The following KCNH1 variants were observed in gnomAD, a reference collection of about 807,000 sequenced individuals.
KCNH1 encodes the protein potassium voltage-gated channel subfamily H member 1.
KCNH1 carries 27 observed loss-of-function variants against 69.2 expected under a neutral mutation model. The observed-to-expected ratio is 0.39, with a 90% CI of 0.29 to 0.54. The LOEUF (loss-of-function observed/expected upper bound fraction) is 0.54, where lower values mean the gene tolerates loss of function less well. KCNH1 is among the 20% of genes least tolerant of loss of function. The pLI is 0.68. For missense variants in KCNH1, 798 were observed against 1,261.6 expected, an observed-to-expected ratio of 0.63 and a Z score of 5.57; for synonymous variants, 456 against 487.7, an observed-to-expected ratio of 0.93 and a Z score of 0.86.
chr1:210,778,333 T>G (rs1777253), intron 9 of KCNH1, among the ~76,000 whole-genome samples: 144 of 152,246 alleles, frequency 9.5e-4, no homozygotes, highest in Non-Finnish European at 1.7e-3. Flanking sequence ...GAGACCAGCC[T>G]GGGCAACAAA....
chr1:210,916,864 T>A (rs971169671), intron 7 of KCNH1, among the ~76,000 whole-genome samples: 33 of 151,866 alleles, frequency 2.2e-4, no homozygotes, highest in African/African-American at 7.5e-4. Context: ...AAAAAAGAAA[T>A]GGGCTGGGCG....
chr1:211,122,123 G>A (rs1459790871), intron 1 of KCNH1, among the ~76,000 whole-genome samples: 1 of 151,612 alleles, frequency 6.6e-6, no homozygotes, highest in Non-Finnish European at 1.5e-5. Flanking sequence ...GGGCGACAGT[G>A]AGACTCCGTC....
At chr1:210,922,458 A>G (rs139417262) in intron 6 of KCNH1, among the ~76,000 whole-genome samples, 2,474 of 151,676 alleles carry the variant, frequency 0.016, 29 homozygotes, top group Middle Eastern at 0.028. Context: ...TTCAACAGAA[A>G]TGATAATTTC....
chr1:211,030,519 T>C (rs1433518913), intron 5 of KCNH1, among the ~76,000 whole-genome samples: 2 of 152,200 alleles, frequency 1.3e-5, no homozygotes, highest in Non-Finnish European at 2.9e-5. Context: ...AGACAGCCTT[T>C]TTAACAAACG....
intron 7 of KCNH1, among the ~76,000 whole-genome samples, chr1:210,884,628 C>A (rs1002464621): frequency 1.3e-5 from 2 of 152,154 alleles, no homozygotes; most frequent in Non-Finnish European, 2.9e-5. Context: ...CAGCAGCACC[C>A]AAGAAATTTG....
At chr1:211,053,955 A>G (rs1690254773) in intron 5 of KCNH1, among the ~76,000 whole-genome samples, 1 of 152,152 alleles carries the variant, frequency 6.6e-6, no homozygotes, top group Admixed American at 6.5e-5. Context: ...AAATAACTAC[A>G]CAGAATTTCC....
chr1:210,722,804 T>C (rs924413873), intron 10 of KCNH1, among the ~76,000 whole-genome samples: 2 of 152,130 alleles, frequency 1.3e-5, no homozygotes, highest in African/African-American at 4.8e-5. Context: ...CAATCTAAAG[T>C]CTAACAGATG....
intron 5 of KCNH1, among the ~76,000 whole-genome samples, chr1:211,036,938 C>A (rs6540648): frequency 0.21 from 32,321 of 152,110 alleles, 4,383 homozygotes; most frequent in East Asian, 0.39. Context: ...CTACAACATC[C>A]AATGCCAGGC....
chr1:210,982,673 T>G (rs1405533440), intron 6 of KCNH1, among the ~76,000 whole-genome samples: 2 of 152,238 alleles, frequency 1.3e-5, no homozygotes, highest in Non-Finnish European at 1.5e-5. Context: ...CTATCGTTGT[T>G]GGACATTTGG....
intron 10 of KCNH1, among the ~76,000 whole-genome samples, chr1:210,744,152 C>A (rs546266048): frequency 6.6e-6 from 1 of 152,276 alleles, no homozygotes; most frequent in South Asian, 2.1e-4. Context: ...GTCCCTCCAC[C>A]GGAATGCAGG....
intron 7 of KCNH1, among the ~76,000 whole-genome samples, chr1:210,805,122 T>C (rs1199476324): frequency 1.3e-5 from 2 of 152,190 alleles, no homozygotes; most frequent in Non-Finnish European, 2.9e-5. Context: ...ATAGAACTCA[T>C]ATTACACCAT....
intron 5 of KCNH1, among the ~76,000 whole-genome samples, chr1:211,046,856 T>C (rs1690101716): frequency 6.6e-6 from 1 of 152,064 alleles, no homozygotes; most frequent in African/African-American, 2.4e-5. Flanking sequence ...GTGGTGAAGA[T>C]GAAATTCAAA....
intron 7 of KCNH1, among the ~76,000 whole-genome samples, chr1:210,807,602 G>A (rs1054924174): frequency 1.3e-4 from 20 of 151,822 alleles, no homozygotes; most frequent in African/African-American, 4.4e-4. Flanking sequence ...GTGACAAAGC[G>A]AGACTGTCTC....
chr1:210,923,168 TGA>T (rs1687500856), intron 6 of KCNH1, among the ~76,000 whole-genome samples: 1 of 152,294 alleles, frequency 6.6e-6, no homozygotes, highest in East Asian at 1.9e-4. Flanking sequence ...ATAATAATAG[TGA>T]GAGATACAAG....
intron 5 of KCNH1, among the ~76,000 whole-genome samples, chr1:211,063,048 G>T (rs930550321): frequency 2.6e-5 from 4 of 152,158 alleles, no homozygotes; most frequent in African/African-American, 4.8e-5. Context: ...CCAGCATATG[G>T]AATCAACCTA....
In KCNH1 at chr1:210,682,618, C is replaced by T. The variant is rs534243605; in HGVS notation, c.*663G>A. The T allele has an allele frequency of 2.6e-5, 4 of 152,878 alleles. No homozygotes were observed. Among genetic ancestry groups the T allele is most frequent in the African/African-American group, 9.6e-5 (4 of 41,582 alleles). 9.5% of individuals were successfully genotyped at this position (152,878 alleles called of 1,614,324 possible). On this transcript the variant is annotated 3_prime_UTR_variant, in exon 11 of 11. Transcript: ENST00000271751. ...CCCTCTCCAGCTCTTACCCTTGCCT[C>T]ACCTCCTTTGGGGAAGGAGACCTGA...
chr1:210,808,068 C>T (rs1017319610), intron 7 of KCNH1, among the ~76,000 whole-genome samples: 1 of 152,196 alleles, frequency 6.6e-6, no homozygotes, highest in African/African-American at 2.4e-5. Context: ...CTGTCTCCTC[C>T]ATGCCAATAG....
chr1:210,865,977 T>G (rs900082611), intron 7 of KCNH1, among the ~76,000 whole-genome samples: 5 of 152,006 alleles, frequency 3.3e-5, no homozygotes, highest in African/African-American at 9.7e-5. Context: ...CAGCTTTAGT[T>G]GAAAAAAAAT....
At chr1:210,854,574 G>A (rs2102471364) in intron 7 of KCNH1, among the ~76,000 whole-genome samples, 1 of 152,304 alleles carries the variant, frequency 6.6e-6, no homozygotes, top group Non-Finnish European at 1.5e-5. Flanking sequence ...TGGAGACCAG[G>A]ATGGCAAGTG....
Sources: gnomAD v4.1 joint callset for allele counts (sites outside exome capture counted in the v4.1 genomes callset) on GRCh38, gnomAD v4.1.1 for gene constraint, MANE v1.5 for transcripts, NCBI Gene and HGNC (gene_info 2026-07-23, HGNC 2026-07-21) for gene names.